The following ZNF385B variants were observed in gnomAD, a reference collection of about 807,000 sequenced individuals.
ZNF385B encodes zinc finger protein 385B, also known as zinc finger protein 533.
ZNF385B carries 23 observed loss-of-function variants against 39.2 expected under a neutral mutation model. That is an observed-to-expected ratio of 0.59 (90% CI 0.42 to 0.83). The LOEUF (loss-of-function observed/expected upper bound fraction) is 0.83, where lower values mean the gene tolerates loss of function less well. ZNF385B is among the 40% of genes least tolerant of loss of function. The probability of loss-of-function intolerance (pLI) is 0.00; values close to 1 mark genes in which losing one functional copy is unlikely to be tolerated. For missense variants in ZNF385B, 552 were observed against 598.9 expected (o/e 0.92, Z 0.82); for synonymous variants, 205 against 222.6 (o/e 0.92, Z 0.70).
intron 6 of ZNF385B, among the ~76,000 whole-genome samples, chr2:179,468,723 A>G (rs1517708): frequency 0.8 from 120,995 of 152,046 alleles, 48,313 homozygotes; most frequent in East Asian, 0.94. Flanking sequence ...TGAGGTGGAC[A>G]CTGGCAATGG....
intron 5 of ZNF385B, among the ~76,000 whole-genome samples, chr2:179,505,243 G>GA (rs1304424674): frequency 6.6e-6 from 1 of 151,544 alleles, no homozygotes; most frequent in East Asian, 1.9e-4. Context: ...GAAAAGGAGT[G>GA]AATTTTACTG....
chr2:179,463,823 G>A (rs1458158794), intron 6 of ZNF385B, among the ~76,000 whole-genome samples: 4 of 152,136 alleles, frequency 2.6e-5, no homozygotes, highest in African/African-American at 4.8e-5. Flanking sequence ...ACGTGTGCAC[G>A]TGTCTTTATA....
intron 1 of ZNF385B, among the ~76,000 whole-genome samples, chr2:179,816,369 T>C (rs165373): frequency 0.46 from 70,148 of 152,030 alleles, 16,877 homozygotes; most frequent in African/African-American, 0.56. Context: ...AAGGGACCTT[T>C]TCCGTCATCT....
chr2:179,606,702 T>C (rs1688834913), intron 3 of ZNF385B, among the ~76,000 whole-genome samples: 1 of 152,182 alleles, frequency 6.6e-6, no homozygotes, highest in Admixed American at 6.6e-5. Flanking sequence ...GAAGAGTTCC[T>C]CATTATAAAA....
chr2:179,640,170 G>A (rs193295265), intron 3 of ZNF385B, among the ~76,000 whole-genome samples: 206 of 152,246 alleles, frequency 1.4e-3, no homozygotes, highest in African/African-American at 4.0e-3. Flanking sequence ...AATGTAGAGC[G>A]TAATCCTGGA....
At chr2:179,660,138 GT>G (rs1489659888) in intron 3 of ZNF385B, 1 of 152,528 alleles carries the variant, frequency 6.6e-6, no homozygotes, top group Non-Finnish European at 1.5e-5. Flanking sequence ...TATAATAAAT[GT>G]ATCAGGAGCT....
chr2:179,856,854 C>T (rs1326187759), intron 1 of ZNF385B, among the ~76,000 whole-genome samples: 1 of 152,122 alleles, frequency 6.6e-6, no homozygotes, highest in Non-Finnish European at 1.5e-5. Flanking sequence ...TATCCAAGCC[C>T]ACAGTACTTT....
At chr2:179,857,127 T>G (rs1684667413) in intron 1 of ZNF385B, among the ~76,000 whole-genome samples, 2 of 152,208 alleles carry the variant, frequency 1.3e-5, no homozygotes, top group South Asian at 4.1e-4. Context: ...CATTAAAGTT[T>G]AAGAAGCACT....
intron 1 of ZNF385B, among the ~76,000 whole-genome samples, chr2:179,801,395 C>A (rs1039866420): frequency 4.6e-5 from 7 of 152,048 alleles, no homozygotes; most frequent in African/African-American, 1.7e-4. Flanking sequence ...AGATGTACTC[C>A]CTGTACATCT....
intron 3 of ZNF385B, among the ~76,000 whole-genome samples, chr2:179,567,475 CA>C (rs1361867990): frequency 6.6e-6 from 1 of 152,094 alleles, no homozygotes; most frequent in African/African-American, 2.4e-5. Flanking sequence ...ATATCCAAAA[CA>C]ATTAGAGACT....
At chr2:179,444,089 G>A (rs969963495) in intron 9 of ZNF385B, among the ~76,000 whole-genome samples, 5 of 152,228 alleles carry the variant, frequency 3.3e-5, no homozygotes, top group Admixed American at 6.5e-5. Context: ...ATCCTCCTGT[G>A]AAGAAATCAA....
intron 3 of ZNF385B, among the ~76,000 whole-genome samples, chr2:179,695,095 A>T (rs1698639600): frequency 6.6e-6 from 1 of 152,200 alleles, no homozygotes; most frequent in Admixed American, 6.5e-5. Flanking sequence ...CCTTAGTGTC[A>T]TATGACTCTT....
rs569741656 is a variant in ZNF385B at position 179,626,474 on chromosome 2, G to A, written c.299-81505C>T. On this transcript the variant is annotated intron_variant, in intron 3 of 9. Coordinates refer to ENST00000410066, the MANE Select transcript of ZNF385B (RefSeq NM_152520.6). Reference sequence around the variant, plus strand: ...ATGATTCATGCAACTCTTCCTTAGAGGGGAAAATACATCCTTAAGTTGTAT... The same window carrying A: ...ATGATTCATGCAACTCTTCCTTAGAAGGGAAAATACATCCTTAAGTTGTAT... Among the ~76,000 whole-genome samples the A allele has an allele frequency of 2.6e-5, 4 of 152,234 alleles. No homozygotes were observed. In the South Asian group the frequency reaches 8.3e-4, roughly 32 times the overall value.
chr2:179,524,909 T>A (rs1408839457), intron 4 of ZNF385B, among the ~76,000 whole-genome samples: 1 of 152,166 alleles, frequency 6.6e-6, no homozygotes, highest in Admixed American at 6.5e-5. Context: ...TCTAGCTGTG[T>A]AATAACAATA....
chr2:179,773,498 A>G (rs2106510797), intron 1 of ZNF385B, among the ~76,000 whole-genome samples: 1 of 152,298 alleles, frequency 6.6e-6, no homozygotes, highest in South Asian at 2.1e-4. Flanking sequence ...TGTCCTCGTG[A>G]TGCTCCCTCG....
At chr2:179,763,492 A>G (rs894526641) in intron 3 of ZNF385B, among the ~76,000 whole-genome samples, 1 of 151,834 alleles carries the variant, frequency 6.6e-6, no homozygotes. Flanking sequence ...CCTATTTTCA[A>G]CTTCACAGAT....
intron 3 of ZNF385B, among the ~76,000 whole-genome samples, chr2:179,681,558 A>G (rs1256247851): frequency 3.9e-5 from 6 of 152,244 alleles, no homozygotes; most frequent in Non-Finnish European, 8.8e-5. Flanking sequence ...ATCCCTTTGT[A>G]TAGCTTAAAT....
At chr2:179,557,867 C>A (rs532834259) in intron 3 of ZNF385B, among the ~76,000 whole-genome samples, 2 of 152,126 alleles carry the variant, frequency 1.3e-5, no homozygotes, top group African/African-American at 4.8e-5. Flanking sequence ...CCTTGTCCCC[C>A]TCACTCCCTC....
chr2:179,747,514 C>A (rs1225584676), intron 3 of ZNF385B, among the ~76,000 whole-genome samples: 1 of 152,114 alleles, frequency 6.6e-6, no homozygotes, highest in Admixed American at 6.6e-5. Context: ...TGTCCTCTCT[C>A]TCTTCTGTCC....
Sources: gnomAD v4.1 joint callset for allele counts (sites outside exome capture counted in the v4.1 genomes callset) on GRCh38, gnomAD v4.1.1 for gene constraint, MANE v1.5 for transcripts, NCBI Gene and HGNC (gene_info 2026-07-23, HGNC 2026-07-21) for gene names.